Variants in BOP1 observed in about 807,000 individuals in gnomAD.
The protein encoded by BOP1 is ribosome biogenesis protein BOP1.
A neutral mutation model predicts 82.9 loss-of-function variants in BOP1; 54 were observed. The observed-to-expected ratio is 0.65, with a 90% CI of 0.52 to 0.82. The LOEUF is 0.82. Ranked by LOEUF, BOP1 falls within the 40% of genes least tolerant of loss-of-function variation. The pLI is 0.00. For missense variants in BOP1, 1,170 were observed against 1,072.0 expected (o/e 1.09, Z -1.28); for synonymous variants, 566 against 451.1 (o/e 1.25, Z -3.23).
intron 2 of BOP1, among the ~76,000 whole-genome samples, chr8:144,277,091 C>A (rs1845578320): frequency 6.6e-6 from 1 of 152,198 alleles, no homozygotes; most frequent in South Asian, 2.1e-4. Flanking sequence ...GGAAAACAGG[C>A]CCACCTCTCA....
intron 2 of BOP1, among the ~76,000 whole-genome samples, chr8:144,286,152 G>C (rs532497947): frequency 1.7e-4 from 26 of 152,190 alleles, no homozygotes; most frequent in Non-Finnish European, 1.8e-4. Flanking sequence ...TGATGAACAG[G>C]GGGGAAAAGG....
In BOP1 at chr8:144,262,126, T is replaced by G; in HGVS notation, c.*38A>C. ...AGCACAGGGTAAAGGCTCTGTTGAC[T>G]TCAGCACGACCACCCCAGCCCCAGG... is the stretch of plus-strand genomic sequence containing the variant. On this transcript the variant is annotated 3_prime_UTR_variant, in exon 16 of 16. Coordinates refer to ENST00000569669, the MANE Select transcript of BOP1 (RefSeq NM_015201.5). 4 of 1,610,870 alleles carry G rather than the reference T, an allele frequency of 2.5e-6. No homozygotes were observed. Among genetic ancestry groups the G allele is most frequent in the Non-Finnish European group, 3.4e-6 (4 of 1,179,770 alleles).
chr8:144,265,226 G>A, intron 3 of BOP1, 155 bp from the exon 4 acceptor site: 1 of 868,186 alleles, frequency 1.2e-6, no homozygotes, highest in Non-Finnish European at 1.7e-6. Flanking sequence ...CTGTTCCCCA[G>A]CCCTGGGGTC....
Position 144,263,701 on chromosome 8 carries a change from G to A in BOP1, c.1282C>T (p.Leu428=). ...CCCAGCTCGGACCCACCTGAAACCA[G>A]CCACTGGCCCCCAGGAGAGACACTG... ...CLSVSPGGQW[L]VSGSDDGSLR... Residue 428 remains leucine (L), a synonymous_variant, in exon 10 of 16, where the codon CTG becomes TTG. Coordinates refer to ENST00000569669, the MANE Select transcript of BOP1 (RefSeq NM_015201.5). The A allele has an allele frequency of 5.1e-6, 8 of 1,574,750 alleles. No individual in the cohort carries two copies. Among genetic ancestry groups the A allele is most frequent in the East Asian group, 2.3e-5 (1 of 42,570 alleles).
intron 3 of BOP1, among the ~76,000 whole-genome samples, chr8:144,270,598 G>A (rs1053480606): frequency 2.6e-5 from 4 of 152,138 alleles, no homozygotes; most frequent in Non-Finnish European, 5.9e-5. Flanking sequence ...GAGGGGCGGG[G>A]GAGGAACACT....
In BOP1 at chr8:144,289,229, C is replaced by A; in HGVS notation, c.175G>T (p.Val59Leu). 6.2e-7 allele frequency: 1 copy of A among 1,614,100 alleles called. No homozygotes were observed. The highest frequency in any genetic ancestry group is 8.5e-7 in the Non-Finnish European group (1 of 1,179,948). ...CCGGAATCTTCCAGGCCTGAGAACA[C>A]ACTTTCCTCGCTGTCGGAGACGCCA... ...DSGVSDSEES[V>L]FSGLEDSGSD... Residue 59 changes from valine (V) to leucine (L), a missense_variant, in exon 2 of 16, where the codon GTG becomes TTG. Val to Leu is a conservative substitution (Grantham distance 32). Transcript: ENST00000569669.
In BOP1 at chr8:144,263,543, C is replaced by T. The variant is rs1845284563; in HGVS notation, c.1359G>A (p.Val453=). ...AGGCCACACTCTTCACCACGCCCCC[C>T]ACGGGAACAGTCCTCACACAGCGGG... is the stretch of plus-strand genomic sequence containing the variant. ...ATARCVRTVP[V]GGVVKSVAWN... is the part of the protein sequence containing the mutation. Residue 453 remains valine, a synonymous_variant, in exon 11 of 16, where the codon GTG becomes GTA. Coordinates refer to ENST00000569669, the MANE Select transcript of BOP1 (RefSeq NM_015201.5). 1 of 1,600,654 alleles carries T rather than the reference C, an allele frequency of 6.2e-7. No homozygotes were observed. The highest frequency in any genetic ancestry group is 1.1e-5 in the South Asian group (1 of 91,044).
intron 2 of BOP1, among the ~76,000 whole-genome samples, chr8:144,280,120 T>C (rs1273769520): frequency 3.3e-5 from 5 of 152,198 alleles, no homozygotes; most frequent in African/African-American, 7.2e-5. Context: ...TGCTGCAAAG[T>C]GTCAGGGCAG....
intron 3 of BOP1, among the ~76,000 whole-genome samples, chr8:144,274,683 A>C (rs2130235500): frequency 6.6e-6 from 1 of 152,232 alleles, no homozygotes; most frequent in East Asian, 1.9e-4. Flanking sequence ...AGCAGCCCCC[A>C]CATCCCTGGC....
Position 144,289,205 on chromosome 8 carries a change from C to T in BOP1, c.199G>A (p.Gly67Ser), listed in dbSNP as rs148894796. 1.3e-4 allele frequency: 202 copies of T among 1,614,098 alleles called. 1 individual carries two copies. In the African/African-American group the frequency reaches 2.0e-3, roughly 16 times the overall value. ...ESVFSGLEDS[G>S]SDSSEDDDEG... ...TCATCATCCTCACTGCTGTCACTGC[C>T]GGAATCTTCCAGGCCTGAGAACACA... is the stretch of plus-strand genomic sequence containing the variant. Residue 67 changes from glycine to serine, a missense_variant, in exon 2 of 16, where the codon GGC (glycine) becomes AGC (serine). By Grantham distance (56) the Gly-to-Ser change is moderately conservative. Coordinates refer to ENST00000569669, the MANE Select transcript of BOP1 (RefSeq NM_015201.5).
At position 144,263,915 on chromosome 8, in the gene BOP1, G is replaced by A; in HGVS notation, c.1141-4C>T. Reference sequence around the variant, plus strand: ...GGTCCTCAGGGTCTACATTCACCTGGGGCAGGAGAGCGCCAGGTCAGCCTT... The same window carrying A: ...GGTCCTCAGGGTCTACATTCACCTGAGGCAGGAGAGCGCCAGGTCAGCCTT... On this transcript the variant is annotated splice_region_variant and splice_polypyrimidine_tract_variant and intron_variant, in intron 8 of 15. Transcript: ENST00000569669. The A allele has an allele frequency of 6.2e-7, 1 of 1,611,364 alleles. No individual in the cohort carries two copies. Among genetic ancestry groups the A allele is most frequent in the Non-Finnish European group, 8.5e-7 (1 of 1,179,310 alleles).
rs967014307 is a variant in BOP1 at position 144,267,635 on chromosome 8, C to T, written c.391-2564G>A. ...TAAGCCATCTTGGGCACCTGCTGTCCGTCCCCCACCTAGGCCGCACACCAA... is the reference window on the plus strand; with the variant it reads ...TAAGCCATCTTGGGCACCTGCTGTCTGTCCCCCACCTAGGCCGCACACCAA... On this transcript the variant is annotated intron_variant, in intron 3 of 15. Transcript: ENST00000569669. Among the ~76,000 whole-genome samples the T allele has an allele frequency of 3.6e-3, 548 of 152,332 alleles. 7 individuals are homozygous for T. Among genetic ancestry groups the T allele is most frequent in the African/African-American group, 0.012 (507 of 41,578 alleles).
intron 3 of BOP1, chr8:144,266,492 C>T (rs1174974743): frequency 2.0e-6 from 2 of 986,660 alleles, no homozygotes; most frequent in African/African-American, 3.5e-5. Context: ...CCGGCAGCTG[C>T]CACCGCGGGG....
chr8:144,270,659 G>C (rs1298451881), intron 3 of BOP1, among the ~76,000 whole-genome samples: 4 of 152,098 alleles, frequency 2.6e-5, no homozygotes, highest in Non-Finnish European at 5.9e-5. Flanking sequence ...GGGTGGCGTG[G>C]GCTGACCCCC....
intron 2 of BOP1, among the ~76,000 whole-genome samples, chr8:144,285,432 G>C (rs1466212544): frequency 6.6e-6 from 1 of 152,212 alleles, no homozygotes; most frequent in Non-Finnish European, 1.5e-5. Flanking sequence ...AGGAGGGAGT[G>C]GGGGGACAGG....
At chr8:144,284,387 C>T (rs1554839244) in intron 2 of BOP1, among the ~76,000 whole-genome samples, 2 of 152,206 alleles carry the variant, frequency 1.3e-5, no homozygotes, top group Non-Finnish European at 2.9e-5. Context: ...CAGCATGTTA[C>T]TGTCAGGTCA....
Position 144,262,223 on chromosome 8 carries a change from G to A in BOP1, c.2182C>T (p.Pro728Ser). 1 of 1,612,686 alleles carries A rather than the reference G, an allele frequency of 6.2e-7. No individual in the cohort carries two copies. Among genetic ancestry groups the A allele is most frequent in the Non-Finnish European group, 8.5e-7 (1 of 1,179,796 alleles). Residue 728 changes from proline to serine, a missense_variant, in exon 16 of 16, where the codon CCC becomes TCC. By Grantham distance (74) the Pro-to-Ser change is moderately conservative. Coordinates refer to ENST00000569669, the MANE Select transcript of BOP1 (RefSeq NM_015201.5). ...DLGVLDVIFH[P>S]TQPWVFSSGA... is the part of the protein sequence containing the mutation. Reference sequence around the variant, plus strand: ...GAGGAGAAGACCCACGGCTGGGTGGGGTGGAAGATGACGTCCAGCACTCCC... The same window carrying A: ...GAGGAGAAGACCCACGGCTGGGTGGAGTGGAAGATGACGTCCAGCACTCCC...
chr8:144,274,223 A>C (rs959285612), intron 3 of BOP1, among the ~76,000 whole-genome samples: 24 of 152,144 alleles, frequency 1.6e-4, no homozygotes, highest in African/African-American at 5.8e-4. Flanking sequence ...CCCTGCTACC[A>C]GGGGCCCTCT....
chr8:144,289,673 G>A (rs527635546), intron 1 of BOP1, among the ~76,000 whole-genome samples: 5 of 152,270 alleles, frequency 3.3e-5, no homozygotes, highest in African/African-American at 7.2e-5. Flanking sequence ...AGGCTGGGCT[G>A]GACTCCACTG....
Sources: allele counts gnomAD v4.1 joint callset (sites outside exome capture counted in the v4.1 genomes callset), GRCh38; gene constraint gnomAD v4.1.1; transcripts MANE v1.5; gene names NCBI Gene and HGNC (gene_info 2026-07-23, HGNC 2026-07-21).